LINGO2: variants seen among roughly 807,000 people sequenced by gnomAD.
LINGO2 encodes leucine-rich repeat and immunoglobulin-like domain-containing nogo receptor-interacting protein 2.
A neutral mutation model predicts 30.6 loss-of-function variants in LINGO2; 14 were observed. The ratio of observed to expected loss-of-function variants is 0.46; its 90% CI spans 0.30 to 0.72. The LOEUF (loss-of-function observed/expected upper bound fraction) is 0.72, where lower values mean the gene tolerates loss of function less well. Among genes scored for constraint, LINGO2 ranks in the 30% least tolerant of loss-of-function variants. The pLI, the probability that LINGO2 is intolerant of heterozygous loss-of-function variation, is 0.07. For synonymous variants in LINGO2, 317 were observed against 288.5 expected (o/e 1.10, Z -1.00); for missense variants, 729 against 751.7 (o/e 0.97, Z 0.35).
chr9:28,137,703 G>T (rs1007499570), intron 4 of LINGO2, among the ~76,000 whole-genome samples: 17 of 152,128 alleles, frequency 1.1e-4, no homozygotes, highest in African/African-American at 4.1e-4. Flanking sequence ...TAAATGAAAA[G>T]CCAGATTTTC....
At chr9:29,103,048 C>T in the LINGO2 span, among the ~76,000 whole-genome samples, 18 of 152,126 alleles carry the variant, frequency 1.2e-4, no homozygotes, top group Middle Eastern at 0.014. Context: ...AACAAAACAA[C>T]AGTAAGGGAA....
At chr9:29,163,543 C>T in the LINGO2 span, among the ~76,000 whole-genome samples, 2 of 152,100 alleles carry the variant, frequency 1.3e-5, no homozygotes, top group African/African-American at 4.8e-5. Flanking sequence ...AAGGTCCTTT[C>T]TAGGTATAAG....
intron 4 of LINGO2, among the ~76,000 whole-genome samples, chr9:28,172,027 A>AAAC (rs1828606016): frequency 2.2e-5 from 2 of 90,370 alleles, no homozygotes; most frequent in South Asian, 3.7e-4. Flanking sequence ...AAAAAAAAAA[A>AAAC]AAAAAACAAA....
chr9:28,383,131 G>A (rs542838461), intron 2 of LINGO2, among the ~76,000 whole-genome samples: 31 of 152,126 alleles, frequency 2.0e-4, no homozygotes, highest in African/African-American at 7.5e-4. Context: ...CTCATCTGTA[G>A]GAAGAAGAAT....
At chr9:28,575,130 G>A (rs1390029739) in intron 1 of LINGO2, among the ~76,000 whole-genome samples, 8 of 152,094 alleles carry the variant, frequency 5.3e-5, no homozygotes, top group African/African-American at 1.9e-4. Context: ...CAGGCCAGGC[G>A]TGGTGGCTCA....
chr9:29,014,504 A>G, the LINGO2 span, among the ~76,000 whole-genome samples: 2 of 152,148 alleles, frequency 1.3e-5, no homozygotes, highest in African/African-American at 4.8e-5. Context: ...TAACACTATG[A>G]AGTGAAAGTA....
At chr9:28,941,633 T>C in the LINGO2 span, among the ~76,000 whole-genome samples, 1 of 152,200 alleles carries the variant, frequency 6.6e-6, no homozygotes, top group Non-Finnish European at 1.5e-5. Flanking sequence ...TTAATGCATA[T>C]GTTTTCAGAG....
At chr9:29,028,228 T>G in the LINGO2 span, among the ~76,000 whole-genome samples, 1 of 152,164 alleles carries the variant, frequency 6.6e-6, no homozygotes, top group Non-Finnish European at 1.5e-5. Context: ...CAAATTGAAT[T>G]CTTTTATTCC....
chr9:28,151,436 A>G (rs1172255950), intron 4 of LINGO2, among the ~76,000 whole-genome samples: 1 of 151,940 alleles, frequency 6.6e-6, no homozygotes. Flanking sequence ...ATATACACAT[A>G]TCAAAAGATC....
intron 4 of LINGO2, among the ~76,000 whole-genome samples, chr9:28,056,085 C>T (rs968831719): frequency 5.9e-5 from 9 of 152,124 alleles, no homozygotes; most frequent in South Asian, 2.1e-4. Context: ...AGGAGCTCCC[C>T]GCTTTCAGTG....
At chr9:28,614,662 A>C (rs1235131929) in intron 1 of LINGO2, among the ~76,000 whole-genome samples, 1 of 152,130 alleles carries the variant, frequency 6.6e-6, no homozygotes, top group Non-Finnish European at 1.5e-5. Flanking sequence ...TTAGGTCATA[A>C]CTTCCAATGT....
the LINGO2 span, among the ~76,000 whole-genome samples, chr9:29,119,373 A>ACGCACACACG: frequency 4.6e-5 from 7 of 151,584 alleles, no homozygotes; most frequent in Non-Finnish European, 7.4e-5. Context: ...GCGCACACAC[A>ACGCACACACG]CACACCAGTT....
At chr9:28,277,951 G>A (rs907380469) in intron 4 of LINGO2, among the ~76,000 whole-genome samples, 1 of 151,792 alleles carries the variant, frequency 6.6e-6, no homozygotes, top group Non-Finnish European at 1.5e-5. Flanking sequence ...AGTTAGCCAA[G>A]TTGTGAATGC....
chr9:28,110,326 A>T (rs190423162), intron 4 of LINGO2, among the ~76,000 whole-genome samples: 131 of 152,344 alleles, frequency 8.6e-4, no homozygotes, highest in African/African-American at 3.2e-3. Context: ...TTCAGAACAT[A>T]GGCATGGGCA....
chr9:29,133,576 G>C, the LINGO2 span, among the ~76,000 whole-genome samples: 1 of 152,022 alleles, frequency 6.6e-6, no homozygotes, highest in Non-Finnish European at 1.5e-5. Context: ...ATCCTTTCCT[G>C]ACCCCTAGTC....
At chr9:27,949,870 C>G (rs1032682598) in exon 6 of LINGO2, 1 of 1,613,812 alleles carries the variant, frequency 6.2e-7, no homozygotes, top group Non-Finnish European at 8.5e-7. Context: ...TGTTTAAAGG[C>G]AAGGAAGGGT....
intron 4 of LINGO2, among the ~76,000 whole-genome samples, chr9:28,172,259 CG>C (rs1828622795): frequency 6.7e-6 from 1 of 148,448 alleles, no homozygotes; most frequent in Non-Finnish European, 1.5e-5. Context: ...GGCGTAGTGG[CG>C]GGCGCCTGTA....
intron 4 of LINGO2, among the ~76,000 whole-genome samples, chr9:28,066,731 T>G (rs1024714522): frequency 3.9e-5 from 6 of 152,116 alleles, no homozygotes; most frequent in Non-Finnish European, 5.9e-5. Context: ...GAAAGGGTCT[T>G]TAAGAAACCC....
chr9:28,342,039 GT>G (rs1294223553), intron 3 of LINGO2, among the ~76,000 whole-genome samples: 1 of 152,120 alleles, frequency 6.6e-6, no homozygotes, highest in Non-Finnish European at 1.5e-5. Context: ...AGGGGAAAAT[GT>G]TGCTTAAAAC....
Sources: allele counts gnomAD v4.1 joint callset (sites outside exome capture counted in the v4.1 genomes callset), GRCh38; gene constraint gnomAD v4.1.1; transcripts MANE v1.5; gene names NCBI Gene and HGNC (gene_info 2026-07-23, HGNC 2026-07-21).